The following SYT11 variants were observed in gnomAD, a reference collection of about 807,000 sequenced individuals.
SYT11 encodes synaptotagmin-11.
In SYT11, 12 loss-of-function variants were observed where a neutral mutation model predicts 30.4. That is an observed-to-expected ratio of 0.39 (90% CI 0.25 to 0.64). The LOEUF (loss-of-function observed/expected upper bound fraction) is 0.64, where lower values mean the gene tolerates loss of function less well. Ranked by LOEUF, SYT11 falls within the 30% of genes least tolerant of loss-of-function variation. The pLI is 0.45. For missense variants in SYT11, 412 were observed against 552.0 expected, an observed-to-expected ratio of 0.75 and a Z score of 2.54; for synonymous variants, 204 against 216.0, an observed-to-expected ratio of 0.94 and a Z score of 0.49.
At chr1:155,867,086 C>G (rs1032527294) in intron 1 of SYT11, among the ~76,000 whole-genome samples, 11 of 146,218 alleles carry the variant, frequency 7.5e-5, no homozygotes, top group African/African-American at 2.5e-4. Flanking sequence ...GAGACGAAGT[C>G]TTGCTCCATC....
chr1:155,868,484 C>T lies in SYT11; in HGVS notation c.554C>T (p.Pro185Leu). ...ACAATCCAGGAGGCCCATGGGCTGCCAGTGATGGATGACCAGACCCAGGGA... is the reference window on the plus strand; with the variant it reads ...ACAATCCAGGAGGCCCATGGGCTGCTAGTGATGGATGACCAGACCCAGGGA... ...VVTIQEAHGL[P>L]VMDDQTQGSD... The change falls in exon 2 of 4, where the codon CCA becomes CTA. Residue 185 changes from proline to leucine, a missense_variant. Pro to Leu is a moderately conservative substitution (Grantham distance 98, BLOSUM62 -3). Transcript: ENST00000368324. This position sits in a 1 kb window ranked among gnomAD's most constrained non-coding sequence, Gnocchi z 4.7. 6.2e-7 allele frequency: 1 copy of T among 1,614,154 alleles called. No homozygotes were observed. Among genetic ancestry groups the T allele is most frequent in the Non-Finnish European group, 8.5e-7 (1 of 1,180,018 alleles).
In SYT11 at chr1:155,860,685, G is replaced by A. The variant is rs1214600236; in HGVS notation, c.34+890G>A. On this transcript the variant is annotated intron_variant, in intron 1 of 3. Transcript: ENST00000368324. This position sits in a 1 kb window ranked among gnomAD's most constrained non-coding sequence, Gnocchi z 4.1. ...GCAGAAAGCATTACGTCATTTCAGA[G>A]CGGCTGGTCCCCGACCCAGCCCTGT... Among the ~76,000 whole-genome samples, 1 of 152,200 alleles carries A rather than the reference G, an allele frequency of 6.6e-6. No homozygotes were observed. The highest frequency in any genetic ancestry group is 1.5e-5 in the Non-Finnish European group (1 of 68,044).
rs2102571108 is a variant in SYT11 at position 155,884,546 on chromosome 1, G to A, written c.*3038G>A. On this transcript the variant is annotated 3_prime_UTR_variant, in exon 4 of 4. Transcript: ENST00000368324. ...GGCTTTCACATTTGTTCTTTCCAGA[G>A]CTAACTGATAAGAGTGGAGGAGGAA... 6.5e-6 allele frequency: 1 copy of A among 152,930 alleles called. No individual in the cohort carries two copies. The highest frequency in any genetic ancestry group is 2.4e-5 in the African/African-American group (1 of 41,578). The allele number at this position is 152,930 out of a possible 1,614,324, so 9.5% of individuals were successfully genotyped here. A position where few individuals can be genotyped will look rare whatever the true frequency, so the allele number is the denominator to read the frequency against.
rs1672712829 is a variant in SYT11, at chr1:155,868,078, A to C, written c.148A>C (p.Asn50His). The change falls in exon 2 of 4, where the codon AAC becomes CAC. Residue 50 changes from asparagine to histidine, a missense_variant. Transcript: ENST00000368324. The surrounding 1 kb of genome is among the most constrained non-coding windows in gnomAD (Gnocchi z 4.7). The part of the protein sequence containing the change: ...CHQQAEKKQK[N>H]PPYKFIHMLK... ...CCAGCAGGCAGAGAAGAAGCAGAAG[A>C]ACCCACCATACAAGTTTATTCACAT... 1 of 1,613,968 alleles carries C rather than the reference A, an allele frequency of 6.2e-7. No homozygotes were observed. The highest frequency in any genetic ancestry group is 2.2e-5 in the East Asian group (1 of 44,870).
intron 2 of SYT11, among the ~76,000 whole-genome samples, chr1:155,871,171 T>G (rs1672776152): frequency 6.6e-6 from 1 of 152,210 alleles, no homozygotes; most frequent in Non-Finnish European, 1.5e-5. Flanking sequence ...AGTCCAGCCC[T>G]GAAGGGGTTT....
At chr1:155,864,864 C>T (rs778168523) in intron 1 of SYT11, among the ~76,000 whole-genome samples, 21 of 152,058 alleles carry the variant, frequency 1.4e-4, no homozygotes, top group Non-Finnish European at 2.8e-4. Flanking sequence ...GCACCTGCCA[C>T]CATGCCAGGC....
At chr1:155,875,701 CTAGT>C (rs1042321552) in intron 2 of SYT11, among the ~76,000 whole-genome samples, 1 of 152,166 alleles carries the variant, frequency 6.6e-6, no homozygotes, top group African/African-American at 2.4e-5. Context: ...CATACCCAGC[CTAGT>C]TAGTTATTTT....
chr1:155,881,797 C>G lies in SYT11; in HGVS notation c.*289C>G, dbSNP rs1343986408. On this transcript the variant is annotated 3_prime_UTR_variant, in exon 4 of 4. Coordinates refer to ENST00000368324, the MANE Select transcript of SYT11 (RefSeq NM_152280.5). ...GGGCTGGAGTGCAATGGTGAGATCT[C>G]AACTCACTGCAACCTCTGCCCTCCA... 10 of 207,882 alleles carry G rather than the reference C, an allele frequency of 4.8e-5. No homozygotes were observed. The highest frequency in any genetic ancestry group is 7.7e-5 in the Non-Finnish European group (8 of 104,354). 12.9% of individuals were successfully genotyped at this position (207,882 alleles called of 1,614,324 possible). A position where few individuals can be genotyped will look rare whatever the true frequency, so the allele number is the denominator to read the frequency against.
chr1:155,872,861 G>C (rs1001282633), intron 2 of SYT11, among the ~76,000 whole-genome samples: 5 of 152,162 alleles, frequency 3.3e-5, no homozygotes, highest in African/African-American at 1.2e-4. Context: ...GAGTGGGGAT[G>C]GGCATGCTGC....
intron 1 of SYT11, among the ~76,000 whole-genome samples, chr1:155,867,757 G>C (rs1157784579): frequency 1.3e-5 from 2 of 152,224 alleles, no homozygotes; most frequent in South Asian, 4.1e-4. Context: ...TCTATAGAAG[G>C]CTGGGAGGAA....
At chr1:155,879,615 G>A (rs1457267825) in intron 2 of SYT11, among the ~76,000 whole-genome samples, 1 of 152,092 alleles carries the variant, frequency 6.6e-6, no homozygotes, top group Non-Finnish European at 1.5e-5. Flanking sequence ...ACAGGTTCAG[G>A]GACTTGCCCA....
intron 2 of SYT11, among the ~76,000 whole-genome samples, chr1:155,879,047 G>C (rs556591292): frequency 6.6e-6 from 1 of 152,008 alleles, no homozygotes; most frequent in Non-Finnish European, 1.5e-5. Flanking sequence ...AAGCTCCTTG[G>C]GAGCAACAAC....
At chr1:155,878,819 G>T (rs1283344498) in intron 2 of SYT11, among the ~76,000 whole-genome samples, 2 of 151,162 alleles carry the variant, frequency 1.3e-5, no homozygotes, top group Non-Finnish European at 3.0e-5. Flanking sequence ...GTGAGCCGAG[G>T]TCTCGCCACT....
chr1:155,875,782 A>G (rs1672850615), intron 2 of SYT11, among the ~76,000 whole-genome samples: 2 of 152,226 alleles, frequency 1.3e-5, no homozygotes, highest in South Asian at 4.1e-4. Flanking sequence ...AATTTTTAAA[A>G]TCATGTGAAA....
intron 2 of SYT11, among the ~76,000 whole-genome samples, chr1:155,870,537 C>A (rs1166846530): frequency 6.6e-6 from 1 of 152,262 alleles, no homozygotes; most frequent in African/African-American, 2.4e-5. Flanking sequence ...AACTGCACAT[C>A]TCCCAGAAAG....
At position 155,883,613 on chromosome 1, in the gene SYT11, A is replaced by T. The variant is rs1211095795; in HGVS notation, c.*2105A>T. The stretch of plus-strand genomic sequence containing the variant: ...AGATATTTTTGCCCACCTGAGGAGG[A>T]ACTCAGTCAAGCTGTTGCTTAACAG... On this transcript the variant is annotated 3_prime_UTR_variant, in exon 4 of 4. Transcript: ENST00000368324. 1 of 152,104 alleles carries T rather than the reference A, an allele frequency of 6.6e-6. No individual in the cohort carries two copies. Among genetic ancestry groups the T allele is most frequent in the Non-Finnish European group, 1.5e-5 (1 of 68,026 alleles). The allele number at this position is 152,104 out of a possible 1,614,324, so 9.4% of individuals were successfully genotyped here.
chr1:155,859,804 A>T lies in SYT11; in HGVS notation c.34+9A>T. ...TATCCGACCTAGCTTTGGTAAGTAG[A>T]CTCGGGAAAACTAAGCTTGAGGTGG... On this transcript the variant is annotated intron_variant, in intron 1 of 3. Transcript: ENST00000368324. 1.9e-6 allele frequency: 3 copies of T among 1,613,792 alleles called. No homozygotes were observed. The highest frequency in any genetic ancestry group is 2.5e-6 in the Non-Finnish European group (3 of 1,179,670).
chr1:155,880,650 T>G, intron 3 of SYT11, 27 bp downstream of exon 3: 1 of 1,612,718 alleles, frequency 6.2e-7, no homozygotes, highest in Non-Finnish European at 8.5e-7. Flanking sequence ...ACCTATTTCT[T>G]ACTGTCTGAA....
At chr1:155,877,182 A>G (rs990593598) in intron 2 of SYT11, among the ~76,000 whole-genome samples, 5 of 151,832 alleles carry the variant, frequency 3.3e-5, no homozygotes, top group Non-Finnish European at 5.9e-5. Flanking sequence ...GTTAGCCAGG[A>G]TGGTCTCAAT....
Sources: allele counts gnomAD v4.1 joint callset (sites outside exome capture counted in the v4.1 genomes callset), GRCh38; gene constraint gnomAD v4.1.1; non-coding constraint Gnocchi (gnomAD v3.1); transcripts MANE v1.5; gene names NCBI Gene and HGNC (gene_info 2026-07-23, HGNC 2026-07-21).